CHRNB3: variants seen among roughly 807,000 people sequenced by gnomAD.
The protein encoded by CHRNB3 is neuronal acetylcholine receptor subunit beta-3.
In CHRNB3, 37 loss-of-function variants were observed where a neutral mutation model predicts 40.6. The observed-to-expected ratio is 0.91, with a 90% CI of 0.70 to 1.20. The LOEUF (loss-of-function observed/expected upper bound fraction) is 1.20, where lower values mean the gene tolerates loss of function less well. CHRNB3 is among the 50% of genes most tolerant of loss of function. The pLI is 0.00. For synonymous variants in CHRNB3, 207 were observed against 207.1 expected (o/e 1.00, Z 0.00); for missense variants, 505 against 551.2 (o/e 0.92, Z 0.84).
chr8:42,736,263 T>G (rs1816521596), intron 5 of CHRNB3, among the ~76,000 whole-genome samples: 1 of 152,206 alleles, frequency 6.6e-6, no homozygotes, highest in African/African-American at 2.4e-5. Context: ...CTATTTTCCT[T>G]CTTCAGTGCT....
At chr8:42,718,194 A>G (rs1816152614) in intron 3 of CHRNB3, among the ~76,000 whole-genome samples, 3 of 152,066 alleles carry the variant, frequency 2.0e-5, no homozygotes, top group Admixed American at 2.0e-4. Flanking sequence ...AGGAATATGA[A>G]ACATATAATA....
At chr8:42,725,209 C>G (rs1013997467) in intron 3 of CHRNB3, among the ~76,000 whole-genome samples, 12 of 151,134 alleles carry the variant, frequency 7.9e-5, no homozygotes, top group Admixed American at 2.0e-4. Context: ...CCTGCCTCAG[C>G]CTCCCTAGTA....
rs368469144 is a variant in CHRNB3 at position 42,718,378 on chromosome 8, T to C, written c.249+7944T>C. ...GGTCCTATTAGCATTGAAGTAAGAA[T>C]AATTTGGGGACTTGGCCGAGCATGG... On this transcript the variant is annotated intron_variant, in intron 3 of 5. Transcript: ENST00000289957. Among the ~76,000 whole-genome samples the C allele has an allele frequency of 2.0e-5, 3 of 151,918 alleles. No homozygotes were observed. In the East Asian group the frequency reaches 5.8e-4, roughly 29 times the overall value.
At chr8:42,716,886 A>G (rs1380179602) in intron 3 of CHRNB3, among the ~76,000 whole-genome samples, 1 of 152,132 alleles carries the variant, frequency 6.6e-6, no homozygotes, top group Non-Finnish European at 1.5e-5. Flanking sequence ...GCTTCACTGT[A>G]GCTGAGACAG....
chr8:42,703,690 T>C (rs114830256), intron 1 of CHRNB3, among the ~76,000 whole-genome samples: 1,699 of 152,172 alleles, frequency 0.011, 38 homozygotes, highest in African/African-American at 0.039. Flanking sequence ...CAGTGAGCCA[T>C]GCTGGCTCTA....
At chr8:42,714,846 T>A (rs1295303621) in intron 3 of CHRNB3, 2 of 152,200 alleles carry the variant, frequency 1.3e-5, no homozygotes, top group African/African-American at 4.8e-5. Context: ...GAAGTCGACT[T>A]ATGTAGAGAA....
At chr8:42,734,025 A>G (rs906765392) in intron 5 of CHRNB3, among the ~76,000 whole-genome samples, 1 of 151,342 alleles carries the variant, frequency 6.6e-6, no homozygotes, top group African/African-American at 2.4e-5. Context: ...TGGGAGGCCA[A>G]GGTGAGTGGA....
At chr8:42,722,216 A>G (rs1816229515) in intron 3 of CHRNB3, among the ~76,000 whole-genome samples, 1 of 152,090 alleles carries the variant, frequency 6.6e-6, no homozygotes, top group African/African-American at 2.4e-5. Flanking sequence ...TGTACTAAAA[A>G]TACAAAAATT....
At chr8:42,723,166 A>G (rs13261190) in intron 3 of CHRNB3, among the ~76,000 whole-genome samples, 15,076 of 152,072 alleles carry the variant, frequency 0.099, 926 homozygotes, top group African/African-American at 0.15. Flanking sequence ...GATACCTATT[A>G]CCTAGATATT....
chr8:42,700,131 AGCCTCCAGAGGAGCTGGGACTACAGGT>A (rs1377734453), intron 1 of CHRNB3, among the ~76,000 whole-genome samples: 2 of 150,490 alleles, frequency 1.3e-5, no homozygotes, highest in African/African-American at 4.9e-5. Flanking sequence ...CTCCTACCTC[AGCCTCCAGAGGAGCTGGGACTACAGGT>A]GCCCACCACC....
Position 42,736,783 on chromosome 8 carries a change from T to A in CHRNB3, c.*165T>A. On this transcript the variant is annotated 3_prime_UTR_variant, in exon 6 of 6. Coordinates refer to ENST00000289957, the MANE Select transcript of CHRNB3 (RefSeq NM_000749.5). ...AAACTCTGGTAAATGTGCTCATTTGTGGTTGCCATGAGAGTGAGCTGCTTT... is the reference window on the plus strand; with the variant it reads ...AAACTCTGGTAAATGTGCTCATTTGAGGTTGCCATGAGAGTGAGCTGCTTT... The A allele has an allele frequency of 1.2e-6, 1 of 862,128 alleles. No individual in the cohort carries two copies. Among genetic ancestry groups the A allele is most frequent in the Non-Finnish European group, 1.8e-6 (1 of 555,878 alleles). The allele number at this position is 862,128 out of a possible 1,614,324, so 53.4% of individuals were successfully genotyped here.
chr8:42,714,372 G>A (rs1036904307), intron 3 of CHRNB3, among the ~76,000 whole-genome samples: 1 of 151,766 alleles, frequency 6.6e-6, no homozygotes, highest in Admixed American at 6.6e-5. Context: ...CGTGGTGGTG[G>A]GCACCTGCAG....
intron 3 of CHRNB3, among the ~76,000 whole-genome samples, chr8:42,713,666 C>T (rs1816055846): frequency 6.6e-6 from 1 of 152,076 alleles, no homozygotes; most frequent in African/African-American, 2.4e-5. Flanking sequence ...ATCCCTCATC[C>T]ACCTCCCACC....
intron 5 of CHRNB3, among the ~76,000 whole-genome samples, chr8:42,732,945 A>AT (rs1816455471): frequency 6.6e-6 from 1 of 152,222 alleles, no homozygotes; most frequent in African/African-American, 2.4e-5. Flanking sequence ...ATCAGAAAGA[A>AT]TGAGATTTTT....
chr8:42,732,398 G>T lies in CHRNB3; in HGVS notation c.1091G>T (p.Ser364Ile). The change falls in exon 5 of 6, where the codon AGT (serine) becomes ATT (isoleucine). Residue 364 changes from serine (S) to isoleucine (I), a missense_variant. Coordinates refer to ENST00000289957, the MANE Select transcript of CHRNB3 (RefSeq NM_000749.5). ...DRYSSPEKEE[S>I]QPVVKGKVLE... ...TACTCATCCCCAGAGAAAGAGGAGA[G>T]TCAACCAGTAGTGAAAGGCAAAGTC... 6.2e-7 allele frequency: 1 copy of T among 1,614,028 alleles called. No homozygotes were observed.
At position 42,736,567 on chromosome 8, in the gene CHRNB3, G is replaced by A. The variant is rs780210966; in HGVS notation, c.1326G>A (p.Ser442=). 16 of 1,613,930 alleles carry A rather than the reference G, an allele frequency of 9.9e-6. No individual in the cohort carries two copies. The highest frequency in any genetic ancestry group is 5.3e-5 in the African/African-American group (4 of 74,842). Residue 442 remains serine, a synonymous_variant, in exon 6 of 6, where the codon TCG becomes TCA. Transcript: ENST00000289957. ...WLFLIVSVTG[S]VLIFTPALKM... The stretch of plus-strand genomic sequence containing the variant: ...TTCTGATAGTGTCAGTAACAGGCTC[G>A]GTTCTGATTTTTACCCCTGCTTTGA...
At chr8:42,704,624 A>G (rs1388036807) in intron 1 of CHRNB3, 1 of 151,778 alleles carries the variant, frequency 6.6e-6, no homozygotes, top group Non-Finnish European at 1.5e-5. Context: ...ATCTTCAAGA[A>G]CCCTCTCTCT....
chr8:42,711,486 C>G (rs1021819447), intron 3 of CHRNB3, among the ~76,000 whole-genome samples: 2 of 151,810 alleles, frequency 1.3e-5, no homozygotes, highest in African/African-American at 4.8e-5. Flanking sequence ...CCTCTGCCTC[C>G]CAGGTTCAAG....
Position 42,732,120 on chromosome 8 carries a change from C to G in CHRNB3, c.813C>G (p.Val271=). The part of the protein sequence containing the change: ...EGEKLSLSTS[V]LVSLTVFLLV... The stretch of plus-strand genomic sequence containing the variant: ...AAAAACTTTCATTATCCACATCGGT[C>G]TTGGTTTCTCTGACAGTTTTCCTTT... The change falls in exon 5 of 6, where the codon GTC becomes GTG. Residue 271 remains valine (V), a synonymous_variant. Coordinates refer to ENST00000289957, the MANE Select transcript of CHRNB3 (RefSeq NM_000749.5). 6.2e-7 allele frequency: 1 copy of G among 1,613,358 alleles called. No homozygotes were observed. Among genetic ancestry groups the G allele is most frequent in the Non-Finnish European group, 8.5e-7 (1 of 1,179,852 alleles).
Sources: allele counts gnomAD v4.1 joint callset (sites outside exome capture counted in the v4.1 genomes callset), GRCh38; gene constraint gnomAD v4.1.1; transcripts MANE v1.5; gene names NCBI Gene and HGNC (gene_info 2026-07-23, HGNC 2026-07-21).